Variants in MKKS observed in about 807,000 individuals in gnomAD.
MKKS encodes the protein MKKS centrosomal shuttling protein.
Under a neutral mutation model 33.2 loss-of-function variants are expected in MKKS, and 29 were observed. The ratio of observed to expected loss-of-function variants is 0.87; its 90% CI spans 0.65 to 1.19. The LOEUF (loss-of-function observed/expected upper bound fraction) is 1.19. Ranked by LOEUF, MKKS falls within the 50% of genes most tolerant of loss-of-function variation. MKKS has a pLI of 0.00. For synonymous variants in MKKS, 260 were observed against 244.0 expected (o/e 1.07, Z -0.61); for missense variants, 661 against 662.3 (o/e 1.00, Z 0.02).
At chr20:10,417,389 T>C (rs1053162869) in intron 2 of MKKS, among the ~76,000 whole-genome samples, 3 of 152,192 alleles carry the variant, frequency 2.0e-5, no homozygotes, top group African/African-American at 4.8e-5. Context: ...GGCAGGAGGA[T>C]TGCTTGAGGC....
In MKKS at chr20:10,413,004, T is replaced by C. The variant is rs775145290; in HGVS notation, c.511A>G (p.Thr171Ala). 3 of 1,614,006 alleles carry C rather than the reference T, an allele frequency of 1.9e-6. No homozygotes were observed. The highest frequency in any genetic ancestry group is 2.7e-5 in the African/African-American group (2 of 74,932). The change falls in exon 3 of 6, where the codon ACA (threonine) becomes GCA (alanine). Residue 171 changes from threonine (T) to alanine (A), a missense_variant. Coordinates refer to ENST00000347364, the MANE Select transcript of MKKS (RefSeq NM_170784.3). ...KPACMLTRKE[T>A]EHVSALILRA... Reference sequence around the variant, plus strand: ...AGGATCAAAGCACTGACATGCTCTGTTTCCTTTCTGGTGAGCATACAGGCA... The same window carrying C: ...AGGATCAAAGCACTGACATGCTCTGCTTCCTTTCTGGTGAGCATACAGGCA...
At chr20:10,424,618 A>G (rs1310913435) in intron 1 of MKKS, among the ~76,000 whole-genome samples, 1 of 152,208 alleles carries the variant, frequency 6.6e-6, no homozygotes, top group Non-Finnish European at 1.5e-5. Context: ...TATATTTGAT[A>G]TGGTAGTTAG....
chr20:10,430,568 G>A (rs1377036443), intron 1 of MKKS, among the ~76,000 whole-genome samples: 1 of 152,208 alleles, frequency 6.6e-6, no homozygotes, highest in African/African-American at 2.4e-5. Context: ...CCCCATAAAG[G>A]AAGGCCCACT....
rs796503469 is a variant in MKKS at position 10,429,456 on chromosome 20, G to C, written c.-649+4652C>G. The stretch of plus-strand genomic sequence containing the variant: ...TCTGGCTCTCACACGTTCATCTCCA[G>C]CTTAGACCCACATAATAAACTGCTA... On this transcript the variant is annotated intron_variant, in intron 1 of 5. Coordinates refer to ENST00000347364, the MANE Select transcript of MKKS (RefSeq NM_170784.3). Among the ~76,000 whole-genome samples the C allele has an allele frequency of 4.6e-5, 7 of 152,238 alleles. 1 individual carries two copies. Among genetic ancestry groups the C allele is most frequent in the African/African-American group, 1.7e-4 (7 of 41,540 alleles).
At chr20:10,414,960 A>T (rs2064926803) in intron 2 of MKKS, among the ~76,000 whole-genome samples, 1 of 152,188 alleles carries the variant, frequency 6.6e-6, no homozygotes, top group Non-Finnish European at 1.5e-5. Flanking sequence ...AAACCAAGGG[A>T]TATGCTGGAT....
At position 10,413,673 on chromosome 20, in the gene MKKS, T is replaced by C. The variant is rs566532177; in HGVS notation, c.-159A>G. ...ATAAAATCAAAAAGTTCAATGTTTA[T>C]GAAGCTAATCAGCATAGAATGATTT... On this transcript the variant is annotated 5_prime_UTR_variant, in exon 3 of 6. Coordinates refer to ENST00000347364, the MANE Select transcript of MKKS (RefSeq NM_170784.3). The C allele has an allele frequency of 1.4e-3, 1,036 of 749,128 alleles. 7 individuals are homozygous for C. Among genetic ancestry groups the C allele is most frequent in the African/African-American group, 3.5e-3 (199 of 56,716 alleles). The allele number at this position is 749,128 out of a possible 1,614,324, so 46.4% of individuals were successfully genotyped here.
rs1052361388 is a variant in MKKS, at chr20:10,404,082, G to C, written c.*1165C>G. The C allele has an allele frequency of 2.0e-5, 3 of 152,044 alleles. No homozygotes were observed. The highest frequency in any genetic ancestry group is 7.2e-5 in the African/African-American group (3 of 41,384). 9.4% of individuals were successfully genotyped at this position (152,044 alleles called of 1,614,324 possible). On this transcript the variant is annotated 3_prime_UTR_variant, in exon 6 of 6. Coordinates refer to ENST00000347364, the MANE Select transcript of MKKS (RefSeq NM_170784.3). ...AAAGTTTAATACAACATTTGTTATAGCTCCATGCTTATTCATGTGGCTGCC... is the reference window on the plus strand; with the variant it reads ...AAAGTTTAATACAACATTTGTTATACCTCCATGCTTATTCATGTGGCTGCC...
At chr20:10,428,691 T>C (rs1238425777) in intron 1 of MKKS, among the ~76,000 whole-genome samples, 1 of 151,980 alleles carries the variant, frequency 6.6e-6, no homozygotes. Flanking sequence ...ATATGAAAAA[T>C]TAGCTGGATG....
In MKKS at chr20:10,406,480, G is replaced by A. The variant is rs141724846; in HGVS notation, c.1273-793C>T. Among the ~76,000 whole-genome samples the A allele has an allele frequency of 8.4e-3, 1,272 of 152,250 alleles. 18 individuals are homozygous for A. The highest frequency in any genetic ancestry group is 1.0e-2 in the Non-Finnish European group (680 of 68,014). ...ATTCAGTACAGTAATATGCTGTAAG[G>A]GTTTGTAGCCTAGGAGCAATAGGCT... On this transcript the variant is annotated intron_variant, in intron 5 of 5. Transcript: ENST00000347364.
At position 10,413,603 on chromosome 20, in the gene MKKS, A is replaced by T. The variant is rs2064914546; in HGVS notation, c.-89T>A. 2.8e-6 allele frequency: 4 copies of T among 1,445,628 alleles called. No homozygotes were observed. Among genetic ancestry groups the T allele is most frequent in the Non-Finnish European group, 3.9e-6 (4 of 1,036,496 alleles). The allele number at this position is 1,445,628 out of a possible 1,614,324, so 89.6% of individuals were successfully genotyped here. The stretch of plus-strand genomic sequence containing the variant: ...TGCATTATCACGTTTTAACATTAAA[A>T]ATTATTCTTTAGGAATTAAAGTATG... On this transcript the variant is annotated 5_prime_UTR_variant, in exon 3 of 6. Transcript: ENST00000347364.
chr20:10,405,104 A>G lies in MKKS; in HGVS notation c.*143T>C, dbSNP rs1330062213. On this transcript the variant is annotated 3_prime_UTR_variant, in exon 6 of 6. Coordinates refer to ENST00000347364, the MANE Select transcript of MKKS (RefSeq NM_170784.3). Reference sequence around the variant, plus strand: ...ATTCACGAATCACCTTTTTTCCTAAATAAGTGTATCTATAATTTTATGAGT... The same window carrying G: ...ATTCACGAATCACCTTTTTTCCTAAGTAAGTGTATCTATAATTTTATGAGT... 10 of 610,246 alleles carry G rather than the reference A, an allele frequency of 1.6e-5. No individual in the cohort carries two copies. The highest frequency in any genetic ancestry group is 4.5e-4 in the Middle Eastern group (1 of 2,236). 37.8% of individuals were successfully genotyped at this position (610,246 alleles called of 1,614,324 possible).
At position 10,405,665 on chromosome 20, in the gene MKKS, A is replaced by G. The variant is rs901542540; in HGVS notation, c.1295T>C (p.Ile432Thr). 6.2e-7 allele frequency: 1 copy of G among 1,614,136 alleles called. No homozygotes were observed. Among genetic ancestry groups the G allele is most frequent in the Non-Finnish European group, 8.5e-7 (1 of 1,179,968 alleles). ...RHKTHNDPESILKDDECTQTE... is the reference protein window; with the variant it reads ...RHKTHNDPESTLKDDECTQTE... ...TTGAGTACATTCATCATCTTTGAGAATGCTTTCTGGGTCGTTGTGAGTCTA... is the reference window on the plus strand; with the variant it reads ...TTGAGTACATTCATCATCTTTGAGAGTGCTTTCTGGGTCGTTGTGAGTCTA... Residue 432 changes from isoleucine to threonine, a missense_variant, in exon 6 of 6, where the codon ATT becomes ACT. Ile to Thr is a moderately conservative substitution (Grantham distance 89, BLOSUM62 -1). Transcript: ENST00000347364.
intron 3 of MKKS, among the ~76,000 whole-genome samples, chr20:10,409,448 A>G (rs1303465528): frequency 2.0e-5 from 3 of 152,204 alleles, no homozygotes; most frequent in Admixed American, 2.0e-4. Context: ...AGTTTTATAA[A>G]CCACAAGTAA....
chr20:10,427,039 C>CAGACACACACAG (rs200610640), intron 1 of MKKS, among the ~76,000 whole-genome samples: 1 of 77,552 alleles, frequency 1.3e-5, no homozygotes, highest in African/African-American at 3.1e-5. Flanking sequence ...GACACACACA[C>CAGACACACACAG]ACACACACAC....
chr20:10,421,694 A>C (rs942871076), intron 1 of MKKS, among the ~76,000 whole-genome samples: 3 of 151,996 alleles, frequency 2.0e-5, no homozygotes, highest in Admixed American at 2.0e-4. Flanking sequence ...GAAAACCCTA[A>C]CTTACAGGGT....
chr20:10,409,962 A>T (rs1290587011), intron 3 of MKKS, among the ~76,000 whole-genome samples: 1 of 129,180 alleles, frequency 7.7e-6, no homozygotes, highest in Non-Finnish European at 1.6e-5. Context: ...TGGGCAACAG[A>T]GCGAGACTTT....
chr20:10,412,420 T>C (rs1405575183), intron 3 of MKKS, 110 bp downstream of exon 3: 1 of 1,066,026 alleles, frequency 9.4e-7, no homozygotes, highest in East Asian at 2.4e-5. Context: ...TACTGACACA[T>C]GCTGGGTCAA....
At chr20:10,428,562 GGCGCGGTGGCTC>G in intron 1 of MKKS, among the ~76,000 whole-genome samples, 1 of 152,252 alleles carries the variant, frequency 6.6e-6, no homozygotes, top group Non-Finnish European at 1.5e-5. Context: ...CTTTCAGCTG[GGCGCGGTGGCTC>G]ACGCCTCTAA....
At chr20:10,422,849 C>A (rs2064990687) in intron 1 of MKKS, among the ~76,000 whole-genome samples, 1 of 151,756 alleles carries the variant, frequency 6.6e-6, no homozygotes, top group African/African-American at 2.4e-5. Flanking sequence ...GTAGCTGGGA[C>A]TACAGGTGCC....
Sources: gnomAD v4.1 joint callset for allele counts (sites outside exome capture counted in the v4.1 genomes callset) on GRCh38, gnomAD v4.1.1 for gene constraint, MANE v1.5 for transcripts, NCBI Gene and HGNC (gene_info 2026-07-23, HGNC 2026-07-21) for gene names.